The following GPC6 variants were observed in gnomAD, a reference collection of about 807,000 sequenced individuals.
The protein encoded by GPC6 is glypican-6.
Under a neutral mutation model 55.2 loss-of-function variants are expected in GPC6, and 14 were observed. The observed-to-expected ratio is 0.25, with a 90% CI of 0.17 to 0.40. The LOEUF (loss-of-function observed/expected upper bound fraction) is 0.40, where lower values mean the gene tolerates loss of function less well. Ranked by LOEUF, GPC6 falls within the 10% of genes least tolerant of loss-of-function variation. The pLI, the probability that GPC6 is intolerant of heterozygous loss-of-function variation, is 1.00. For missense variants in GPC6, 641 were observed against 708.5 expected (o/e 0.90, Z 1.08); for synonymous variants, 278 against 259.6 (o/e 1.07, Z -0.68).
chr13:93,520,815 ATAC>A (rs66921853), intron 1 of GPC6, among the ~76,000 whole-genome samples: 1 of 16,880 alleles, frequency 5.9e-5, no homozygotes, highest in Non-Finnish European at 2.3e-4. Context: ...TAGACAAACT[ATAC>A]TATAGACAAA....
intron 3 of GPC6, among the ~76,000 whole-genome samples, chr13:93,842,899 C>A (rs528000983): frequency 3.0e-4 from 46 of 151,824 alleles, no homozygotes; most frequent in Middle Eastern, 3.4e-3. Flanking sequence ...CAGAAAAGTA[C>A]AAAGAAGAAA....
At chr13:94,203,060 T>A (rs192483344) in intron 4 of GPC6, among the ~76,000 whole-genome samples, 1 of 151,940 alleles carries the variant, frequency 6.6e-6, no homozygotes, top group African/African-American at 2.4e-5. Context: ...AAGTGATAGA[T>A]TAAAAAGGTT....
At chr13:94,238,905 CTG>C (rs1890963957) in intron 4 of GPC6, among the ~76,000 whole-genome samples, 1 of 152,018 alleles carries the variant, frequency 6.6e-6, no homozygotes, top group South Asian at 2.1e-4. Flanking sequence ...GGAGGGGTGA[CTG>C]GAGCAAGGCT....
intron 6 of GPC6, among the ~76,000 whole-genome samples, chr13:94,377,807 C>G (rs1339151233): frequency 6.6e-6 from 1 of 152,118 alleles, no homozygotes; most frequent in Non-Finnish European, 1.5e-5. Context: ...AAATGTCCAA[C>G]AATGATAGAC....
rs1877555501 is a variant in GPC6, at chr13:94,333,999, A to C, written c.1152+27876A>C. On this transcript the variant is annotated intron_variant, in intron 6 of 8. Transcript: ENST00000377047. Reference sequence around the variant, plus strand: ...ATGACAACTTTGAGTCAAGCCCCTTATAGAAGAGCTCACCCTCTTTCTGTT... The same window carrying C: ...ATGACAACTTTGAGTCAAGCCCCTTCTAGAAGAGCTCACCCTCTTTCTGTT... Among the ~76,000 whole-genome samples, 3 of 152,224 alleles carry C rather than the reference A, an allele frequency of 2.0e-5. No individual in the cohort carries two copies. In the South Asian group the frequency reaches 6.2e-4, roughly 31 times the overall value.
At chr13:94,220,435 A>G (rs1399232327) in intron 4 of GPC6, among the ~76,000 whole-genome samples, 1 of 152,116 alleles carries the variant, frequency 6.6e-6, no homozygotes, top group Non-Finnish European at 1.5e-5. Flanking sequence ...TGGAAATTAC[A>G]TTTGCATTCA....
chr13:93,950,312 G>A (rs553428169), intron 3 of GPC6, among the ~76,000 whole-genome samples: 1 of 152,304 alleles, frequency 6.6e-6, no homozygotes, highest in Admixed American at 6.5e-5. Context: ...CCTTATTTAT[G>A]ATAGTAACTG....
At chr13:93,608,284 A>G (rs1220507492) in intron 2 of GPC6, among the ~76,000 whole-genome samples, 3 of 151,964 alleles carry the variant, frequency 2.0e-5, no homozygotes, top group Non-Finnish European at 4.4e-5. Flanking sequence ...TTACTATTCA[A>G]TTACTGTTGT....
chr13:94,283,257 C>A (rs780536135), intron 4 of GPC6, among the ~76,000 whole-genome samples: 5 of 152,216 alleles, frequency 3.3e-5, no homozygotes, highest in Non-Finnish European at 7.3e-5. Context: ...TTGTACTAAA[C>A]AACTTTACAA....
rs148844122 is a variant in GPC6 at position 93,236,815 on chromosome 13, C to T, written c.160+9199C>T. ...CTTATCTCCCACTTATTAGTGAAAA[C>T]GTGGTATTTGGTTTTCTATTCCTGA... is the stretch of plus-strand genomic sequence containing the variant. On this transcript the variant is annotated intron_variant, in intron 1 of 8. Coordinates refer to ENST00000377047, the MANE Select transcript of GPC6 (RefSeq NM_005708.5). Among the ~76,000 whole-genome samples, 885 of 152,196 alleles carry T rather than the reference C, an allele frequency of 5.8e-3. 6 individuals carry two copies. Among genetic ancestry groups the T allele is most frequent in the Middle Eastern group, 0.034 (10 of 294 alleles).
At chr13:93,428,791 A>G (rs1440168122) in intron 1 of GPC6, among the ~76,000 whole-genome samples, 1 of 152,174 alleles carries the variant, frequency 6.6e-6, no homozygotes, top group Non-Finnish European at 1.5e-5. Context: ...TACCTCATAC[A>G]GTTTTTTAGC....
chr13:94,072,445 C>G (rs1453747463), intron 4 of GPC6, among the ~76,000 whole-genome samples: 2 of 152,254 alleles, frequency 1.3e-5, no homozygotes, highest in East Asian at 1.9e-4. Flanking sequence ...CCTCTGCCTC[C>G]CGGGTTCAAG....
chr13:93,469,575 G>A (rs1376451231), intron 1 of GPC6, among the ~76,000 whole-genome samples: 3 of 152,042 alleles, frequency 2.0e-5, no homozygotes, highest in Non-Finnish European at 2.9e-5. Flanking sequence ...TGAATGAAAC[G>A]ACCATGGTTG....
At chr13:93,413,183 A>G (rs141767013) in intron 1 of GPC6, among the ~76,000 whole-genome samples, 18 of 152,350 alleles carry the variant, frequency 1.2e-4, no homozygotes, top group Non-Finnish European at 1.9e-4. Context: ...TTGTTCAGAC[A>G]GCAGTATGAG....
At chr13:94,315,409 T>G (rs1190424413) in intron 6 of GPC6, among the ~76,000 whole-genome samples, 16 of 152,162 alleles carry the variant, frequency 1.1e-4, no homozygotes. Context: ...TACTCCAGCA[T>G]CCGGGGTGAC....
At chr13:94,210,727 C>T (rs760208691) in intron 4 of GPC6, among the ~76,000 whole-genome samples, 1 of 152,110 alleles carries the variant, frequency 6.6e-6, no homozygotes, top group Non-Finnish European at 1.5e-5. Context: ...CAGAGAATTA[C>T]TTTAGTACTT....
intron 2 of GPC6, among the ~76,000 whole-genome samples, chr13:93,668,048 T>C (rs1404351112): frequency 6.6e-6 from 1 of 152,176 alleles, no homozygotes; most frequent in African/African-American, 2.4e-5. Flanking sequence ...TTGGAATAAA[T>C]ACATTTGTTC....
At chr13:93,379,469 T>G (rs747345726) in intron 1 of GPC6, among the ~76,000 whole-genome samples, 1 of 152,202 alleles carries the variant, frequency 6.6e-6, no homozygotes, top group Non-Finnish European at 1.5e-5. Flanking sequence ...AATAGATTCA[T>G]GTAGATTTCT....
intron 4 of GPC6, among the ~76,000 whole-genome samples, chr13:94,198,729 C>A (rs1291336312): frequency 6.6e-6 from 1 of 152,164 alleles, no homozygotes; most frequent in African/African-American, 2.4e-5. Flanking sequence ...TCTGCCTGAA[C>A]AACATCATCC....
Sources: gnomAD v4.1 joint callset for allele counts (sites outside exome capture counted in the v4.1 genomes callset) on GRCh38, gnomAD v4.1.1 for gene constraint, MANE v1.5 for transcripts, NCBI Gene and HGNC (gene_info 2026-07-23, HGNC 2026-07-21) for gene names.